Variants in MDGA2 observed in about 807,000 individuals in gnomAD.
The protein encoded by MDGA2 is MAM domain containing glycosylphosphatidylinositol anchor 2.
In MDGA2, 40 loss-of-function variants were observed where a neutral mutation model predicts 117.8. The ratio of observed to expected loss-of-function variants is 0.34; its 90% confidence interval spans 0.26 to 0.44. MDGA2 has a LOEUF of 0.44. Ranked by LOEUF, MDGA2 falls within the 20% of genes least tolerant of loss-of-function variation. The pLI, the probability that MDGA2 is intolerant of heterozygous loss-of-function variation, is 1.00. For synonymous variants in MDGA2, 452 were observed against 439.0 expected, an observed-to-expected ratio of 1.03 and a Z score of -0.37; for missense variants, 1,123 against 1,250.6, an observed-to-expected ratio of 0.90 and a Z score of 1.54.
chr14:46,922,339 A>G (rs1391556058), intron 9 of MDGA2, among the ~76,000 whole-genome samples: 5 of 152,170 alleles, frequency 3.3e-5, no homozygotes, highest in African/African-American at 7.2e-5. Context: ...ATTTAGCAGG[A>G]CTGAGATGGG....
At chr14:47,558,756 G>A (rs1038747747) in intron 1 of MDGA2, among the ~76,000 whole-genome samples, 1 of 152,108 alleles carries the variant, frequency 6.6e-6, no homozygotes, top group African/African-American at 2.4e-5. Context: ...AGAAGAAATA[G>A]ATATTAAATA....
intron 1 of MDGA2, among the ~76,000 whole-genome samples, chr14:47,407,911 C>T (rs1892291481): frequency 6.6e-6 from 1 of 152,118 alleles, no homozygotes; most frequent in Non-Finnish European, 1.5e-5. Context: ...AGACAGATAA[C>T]AAATAACACA....
At chr14:47,218,661 A>G (rs1196070215) in intron 2 of MDGA2, among the ~76,000 whole-genome samples, 1 of 152,076 alleles carries the variant, frequency 6.6e-6, no homozygotes, top group African/African-American at 2.4e-5. Context: ...TGAATAGTTT[A>G]GACATAATAC....
chr14:47,164,042 A>G (rs1205767278), intron 3 of MDGA2, among the ~76,000 whole-genome samples: 1 of 152,236 alleles, frequency 6.6e-6, no homozygotes, highest in African/African-American at 2.4e-5. Context: ...AAGCAATTCT[A>G]TAAAGTTCAC....
chr14:46,882,909 C>T (rs570935092), intron 10 of MDGA2, among the ~76,000 whole-genome samples: 2 of 151,780 alleles, frequency 1.3e-5, no homozygotes, highest in African/African-American at 4.8e-5. Flanking sequence ...GCGATGGTCT[C>T]CTTGAAATAA....
At chr14:47,611,323 A>T (rs143781470) in intron 1 of MDGA2, among the ~76,000 whole-genome samples, 4,979 of 152,242 alleles carry the variant, frequency 0.033, 286 homozygotes, top group African/African-American at 0.11. Context: ...CCAAGAACCC[A>T]AAAGCAAATG....
At chr14:47,517,617 C>T (rs1335005501) in intron 1 of MDGA2, among the ~76,000 whole-genome samples, 2 of 152,014 alleles carry the variant, frequency 1.3e-5, no homozygotes, top group Admixed American at 1.3e-4. Context: ...AGGCAATGTA[C>T]TCTTAGATTC....
At chr14:47,524,609 C>T (rs1594899216) in intron 1 of MDGA2, among the ~76,000 whole-genome samples, 1 of 152,116 alleles carries the variant, frequency 6.6e-6, no homozygotes, top group Non-Finnish European at 1.5e-5. Flanking sequence ...CATTTAGTGG[C>T]GATGAATTAT....
intron 1 of MDGA2, among the ~76,000 whole-genome samples, chr14:47,361,955 T>C (rs1312063221): frequency 1.3e-5 from 2 of 152,240 alleles, no homozygotes; most frequent in East Asian, 1.9e-4. Flanking sequence ...TGGTAAAATA[T>C]GTCCTTCCTT....
At chr14:47,140,532 T>TA (rs759990834) in intron 4 of MDGA2, among the ~76,000 whole-genome samples, 18 of 152,020 alleles carry the variant, frequency 1.2e-4, no homozygotes, top group Admixed American at 2.0e-4. Flanking sequence ...TCAACACACT[T>TA]ACAGCCAATG....
intron 3 of MDGA2, among the ~76,000 whole-genome samples, chr14:47,177,292 C>G (rs1429715487): frequency 6.6e-6 from 1 of 152,088 alleles, no homozygotes; most frequent in Non-Finnish European, 1.5e-5. Flanking sequence ...CCAGCCATCC[C>G]ATTACTGGGT....
intron 8 of MDGA2, among the ~76,000 whole-genome samples, chr14:47,011,052 A>G (rs1318682765): frequency 6.6e-6 from 1 of 152,016 alleles, no homozygotes; most frequent in Non-Finnish European, 1.5e-5. Flanking sequence ...TTAGAAGTTT[A>G]CTTTGGAGAA....
intron 1 of MDGA2, among the ~76,000 whole-genome samples, chr14:47,581,753 G>C (rs1303900867): frequency 1.3e-5 from 2 of 151,864 alleles, no homozygotes; most frequent in African/African-American, 4.8e-5. Flanking sequence ...GAAAACACAG[G>C]CGCAACAACC....
intron 3 of MDGA2, among the ~76,000 whole-genome samples, chr14:47,194,544 C>G (rs1885221164): frequency 6.6e-6 from 1 of 152,088 alleles, no homozygotes; most frequent in African/African-American, 2.4e-5. Flanking sequence ...ACTAGGTTAA[C>G]TGGACCCTTG....
chr14:47,106,231 C>T (rs962399972), intron 5 of MDGA2, among the ~76,000 whole-genome samples: 44 of 152,200 alleles, frequency 2.9e-4, no homozygotes, highest in African/African-American at 1.0e-3. Context: ...AATCTGCTCC[C>T]GACATTAAAT....
chr14:47,323,945 G>A (rs529072230), intron 1 of MDGA2, among the ~76,000 whole-genome samples: 2 of 152,078 alleles, frequency 1.3e-5, no homozygotes, highest in East Asian at 2.0e-4. Context: ...ACAAAATGGT[G>A]TATTAAGATC....
chr14:46,852,487 A>ATAC (rs1881098740), intron 15 of MDGA2, among the ~76,000 whole-genome samples: 1 of 151,866 alleles, frequency 6.6e-6, no homozygotes, highest in African/African-American at 2.4e-5. Context: ...CCAGAGAAAA[A>ATAC]CAGTGGCAGA....
rs1237925167 is a variant in MDGA2, at chr14:47,144,281, G to A, written c.596-7C>T. ...ACTACTGGATCATCCAAATCTAAAG[G>A]AAATAAAAACAACCAAATGGCAATG... On this transcript the variant is annotated splice_polypyrimidine_tract_variant and splice_region_variant and intron_variant, in intron 3 of 16. Transcript: ENST00000399232. The A allele has an allele frequency of 1.3e-6, 2 of 1,541,496 alleles. No individual in the cohort carries two copies. The highest frequency in any genetic ancestry group is 2.8e-5 in the African/African-American group (2 of 72,716).
chr14:47,337,424 T>C (rs1338551392), intron 1 of MDGA2, among the ~76,000 whole-genome samples: 1 of 152,046 alleles, frequency 6.6e-6, no homozygotes, highest in African/African-American at 2.4e-5. Context: ...ACAAATCTGT[T>C]TATAAATTAG....
Sources: allele counts gnomAD v4.1 joint callset (sites outside exome capture counted in the v4.1 genomes callset), GRCh38; gene constraint gnomAD v4.1.1; transcripts MANE v1.5; gene names NCBI Gene and HGNC (gene_info 2026-07-23, HGNC 2026-07-21).